GRIA2: variants seen among roughly 807,000 people sequenced by gnomAD.
The protein encoded by GRIA2 is glutamate receptor 2.
In GRIA2, 14 loss-of-function variants were observed where a neutral mutation model predicts 97.3. That is an observed-to-expected ratio of 0.14 (90% CI 0.10 to 0.23). The LOEUF (loss-of-function observed/expected upper bound fraction) is 0.23, where lower values mean the gene tolerates loss of function less well. GRIA2 is among the 10% of genes least tolerant of loss of function. GRIA2 has a pLI of 1.00. For missense variants in GRIA2, 558 were observed against 1,069.8 expected (o/e 0.52, Z 6.67); for synonymous variants, 412 against 387.8 (o/e 1.06, Z -0.73).
Position 157,363,540 on chromosome 4 carries a change from G to T in GRIA2, c.*109G>T, listed in dbSNP as rs1736735081. ...TCCAGAATTTCCCAAAGCAGTGCAT[G>T]CTGTCCCTTACGTGAGTCCTGGCAT... On this transcript the variant is annotated 3_prime_UTR_variant, in exon 16 of 16. Coordinates refer to ENST00000264426, the MANE Select transcript of GRIA2 (RefSeq NM_001083619.3). The T allele has an allele frequency of 4.9e-6, 6 of 1,237,102 alleles. No individual in the cohort carries two copies. Among genetic ancestry groups the T allele is most frequent in the Non-Finnish European group, 6.1e-6 (6 of 989,436 alleles). The allele number at this position is 1,237,102 out of a possible 1,614,324, so 76.6% of individuals were successfully genotyped here.
intron 2 of GRIA2, among the ~76,000 whole-genome samples, chr4:157,231,159 C>A (rs949545653): frequency 6.6e-6 from 1 of 152,166 alleles, no homozygotes; most frequent in Non-Finnish European, 1.5e-5. Flanking sequence ...CTGCGTCAGC[C>A]TCCCCAGTAG....
At chr4:157,359,763 T>G in intron 12 of GRIA2, 133 bp from the exon 13 acceptor site, 1 of 724,134 alleles carries the variant, frequency 1.4e-6, no homozygotes. Flanking sequence ...GTGAAAAAAA[T>G]TGTTGAAAGA....
At chr4:157,243,434 T>A (rs1730591184) in intron 2 of GRIA2, among the ~76,000 whole-genome samples, 1 of 152,122 alleles carries the variant, frequency 6.6e-6, no homozygotes, top group Non-Finnish European at 1.5e-5. Context: ...CTTTAAACTC[T>A]GTGGAAGAAA....
intron 2 of GRIA2, among the ~76,000 whole-genome samples, chr4:157,262,837 C>G (rs1731606082): frequency 6.6e-6 from 1 of 151,926 alleles, no homozygotes; most frequent in East Asian, 1.9e-4. Context: ...TTAGGGAAAC[C>G]ACTTTGCTTC....
rs1560781094 is a variant in GRIA2 at position 157,355,923 on chromosome 4, TTA to T, written c.2044-3965_2044-3964del. Among the ~76,000 whole-genome samples, 8 of 67,092 alleles carry T rather than the reference TTA, an allele frequency of 1.2e-4. 1 individual carries two copies. Among genetic ancestry groups the T allele is most frequent in the East Asian group, 7.6e-4 (2 of 2,642 alleles). 44.0% of individuals were successfully genotyped at this position (67,092 alleles called of 152,430 possible). On this transcript the variant is annotated intron_variant, in intron 12 of 15. Transcript: ENST00000264426. ...TATAAATATATATATATTAATATAT[TTA>T]TATATATTTATATATTAATATATAT...
chr4:157,348,024 G>A (rs1735836481), intron 12 of GRIA2, among the ~76,000 whole-genome samples: 1 of 151,884 alleles, frequency 6.6e-6, no homozygotes, highest in Non-Finnish European at 1.5e-5. Flanking sequence ...GCTGAGGCAG[G>A]ACAATAGCTT....
At chr4:157,253,262 A>AC (rs1178436513) in intron 2 of GRIA2, among the ~76,000 whole-genome samples, 1 of 151,804 alleles carries the variant, frequency 6.6e-6, no homozygotes, top group African/African-American at 2.4e-5. Context: ...GATCACAGGC[A>AC]CACACCACCA....
chr4:157,277,882 G>GTA (rs1207976063), intron 2 of GRIA2, among the ~76,000 whole-genome samples: 70 of 140,992 alleles, frequency 5.0e-4, no homozygotes, highest in African/African-American at 1.8e-3. Flanking sequence ...GTATATATAT[G>GTA]TATATATGTA....
intron 2 of GRIA2, among the ~76,000 whole-genome samples, chr4:157,248,780 CTATATATATATATATATATATA>C (rs36210142): frequency 8.2e-6 from 1 of 122,334 alleles, no homozygotes; most frequent in South Asian, 3.0e-4. Context: ...CTTTCTTTCA[CTATATATATATATATATATATA>C]TATATATATA....
chr4:157,322,220 AGAGT>A (rs1199984942), intron 6 of GRIA2, among the ~76,000 whole-genome samples: 1 of 145,108 alleles, frequency 6.9e-6, no homozygotes, highest in Non-Finnish European at 1.5e-5. Flanking sequence ...AGAAAGAGAG[AGAGT>A]GAGAAAGAGA....
intron 2 of GRIA2, among the ~76,000 whole-genome samples, chr4:157,223,684 G>A (rs1389935071): frequency 6.6e-6 from 1 of 152,172 alleles, no homozygotes; most frequent in Non-Finnish European, 1.5e-5. Flanking sequence ...TGACTCCTAA[G>A]GAACGGCTGT....
At chr4:157,289,593 C>T (rs1490958244) in intron 2 of GRIA2, among the ~76,000 whole-genome samples, 2 of 151,728 alleles carry the variant, frequency 1.3e-5, no homozygotes, top group African/African-American at 4.8e-5. Flanking sequence ...CTTCATTTAA[C>T]TTGTTACTTC....
intron 2 of GRIA2, among the ~76,000 whole-genome samples, chr4:157,254,625 A>G (rs1008822094): frequency 3.9e-5 from 6 of 152,076 alleles, no homozygotes; most frequent in Non-Finnish European, 7.4e-5. Flanking sequence ...AATTGATAAT[A>G]TTATATATAT....
chr4:157,350,395 A>G (rs1735956956), intron 12 of GRIA2, among the ~76,000 whole-genome samples: 1 of 152,054 alleles, frequency 6.6e-6, no homozygotes, highest in Non-Finnish European at 1.5e-5. Flanking sequence ...ATCTACTTAT[A>G]GAAGATCTTT....
At chr4:157,239,460 T>C (rs1349319335) in intron 2 of GRIA2, among the ~76,000 whole-genome samples, 1 of 152,054 alleles carries the variant, frequency 6.6e-6, no homozygotes, top group Non-Finnish European at 1.5e-5. Context: ...AGAACTTGCC[T>C]CTGCCAATTC....
rs145326523 is a variant in GRIA2, at chr4:157,346,325, A to G, written c.2043+4863A>G. 3.3e-5 allele frequency among the ~76,000 whole-genome samples: 5 copies of G among 152,284 alleles called. No homozygotes were observed. In the East Asian group the frequency reaches 9.7e-4, roughly 29 times the overall value. On this transcript the variant is annotated intron_variant, in intron 12 of 15. Coordinates refer to ENST00000264426, the MANE Select transcript of GRIA2 (RefSeq NM_001083619.3). ...TATTGTTTGTGTTTGGTAATAATAC[A>G]GCATGATTTCTTTATTGCCATGTTA... is the stretch of plus-strand genomic sequence containing the variant.
At chr4:157,240,506 A>T (rs1362177260) in intron 2 of GRIA2, among the ~76,000 whole-genome samples, 1 of 151,706 alleles carries the variant, frequency 6.6e-6, no homozygotes, top group Non-Finnish European at 1.5e-5. Context: ...TCTCCACTTT[A>T]TGCCTGGGCA....
rs774642211 is a variant in GRIA2 at position 157,361,134 on chromosome 4, A to C, written c.2406+10A>C. ...GGGAGGTGATTCCAAGGTCAGCCCC[A>C]GTGAGAAAAGTAATGGGTAACTCAA... On this transcript the variant is annotated intron_variant, in intron 14 of 15. Coordinates refer to ENST00000264426, the MANE Select transcript of GRIA2 (RefSeq NM_001083619.3). This position sits in a 1 kb window ranked among gnomAD's most constrained non-coding sequence, Gnocchi z 5.2. 13 of 1,571,934 alleles carry C rather than the reference A, an allele frequency of 8.3e-6. No homozygotes were observed. Among genetic ancestry groups the C allele is most frequent in the Non-Finnish European group, 8.8e-6 (10 of 1,141,888 alleles).
chr4:157,301,375 G>T (rs72687314), intron 2 of GRIA2, among the ~76,000 whole-genome samples: 12 of 152,284 alleles, frequency 7.9e-5, no homozygotes, highest in Non-Finnish European at 1.6e-4. Flanking sequence ...ATGAATAAAA[G>T]ACAGTTATTT....
Sources: gnomAD v4.1 joint callset for allele counts (sites outside exome capture counted in the v4.1 genomes callset) on GRCh38, gnomAD v4.1.1 for gene constraint, Gnocchi (gnomAD v3.1) non-coding constraint, MANE v1.5 for transcripts, NCBI Gene and HGNC (gene_info 2026-07-23, HGNC 2026-07-21) for gene names.